The following MTDH variants were observed in gnomAD, a reference collection of about 807,000 sequenced individuals.
MTDH encodes metadherin, also known as protein LYRIC.
A neutral mutation model predicts 72.7 loss-of-function variants in MTDH; 34 were observed. The ratio of observed to expected loss-of-function variants is 0.47; its 90% CI spans 0.36 to 0.62. The LOEUF is 0.62. Ranked by LOEUF, MTDH falls within the 20% of genes least tolerant of loss-of-function variation. The pLI is 0.00. For synonymous variants in MTDH, 266 were observed against 268.9 expected (o/e 0.99, Z 0.10); for missense variants, 677 against 699.4 (o/e 0.97, Z 0.36).
intron 1 of MTDH, among the ~76,000 whole-genome samples, chr8:97,659,343 G>C (rs185775512): frequency 3.3e-5 from 5 of 152,154 alleles, no homozygotes; most frequent in African/African-American, 1.2e-4. Context: ...TGGCAAGACA[G>C]CATAGAAGAA....
intron 9 of MTDH, among the ~76,000 whole-genome samples, chr8:97,715,310 TAG>T (rs1482826294): frequency 1.3e-5 from 2 of 151,418 alleles, no homozygotes; most frequent in Non-Finnish European, 2.9e-5. Flanking sequence ...GCATTTTTAG[TAG>T]AGAGGGGATT....
intron 2 of MTDH, among the ~76,000 whole-genome samples, chr8:97,666,078 C>T (rs1297522121): frequency 1.4e-5 from 2 of 146,194 alleles, no homozygotes; most frequent in Admixed American, 1.4e-4. Context: ...CAGTGAGCCA[C>T]GATTGTGCCA....
intron 2 of MTDH, among the ~76,000 whole-genome samples, chr8:97,679,055 C>T (rs1343418313): frequency 1.3e-5 from 2 of 152,082 alleles, no homozygotes; most frequent in Admixed American, 1.3e-4. Flanking sequence ...GCCTAACAGC[C>T]CAGATTCCAG....
chr8:97,704,594 A>G (rs1814271095), intron 7 of MTDH, among the ~76,000 whole-genome samples: 1 of 151,916 alleles, frequency 6.6e-6, no homozygotes, highest in Admixed American at 6.6e-5. Flanking sequence ...GGGTGACAGA[A>G]TAAGACCCTG....
chr8:97,672,020 T>C (rs1295147834), intron 2 of MTDH, among the ~76,000 whole-genome samples: 1 of 151,860 alleles, frequency 6.6e-6, no homozygotes, highest in African/African-American at 2.4e-5. Flanking sequence ...AAAACAGCTC[T>C]TAGCAAAACA....
chr8:97,672,556 C>T (rs1037453425), intron 2 of MTDH, among the ~76,000 whole-genome samples: 1 of 152,108 alleles, frequency 6.6e-6, no homozygotes, highest in African/African-American at 2.4e-5. Context: ...CATATTTATC[C>T]CTCTAGACTT....
intron 2 of MTDH, among the ~76,000 whole-genome samples, chr8:97,665,509 T>C (rs1435555565): frequency 6.6e-6 from 1 of 152,192 alleles, no homozygotes; most frequent in Non-Finnish European, 1.5e-5. Flanking sequence ...AGATATCTAG[T>C]AATACAAGGC....
chr8:97,647,277 A>G (rs1811603438), intron 1 of MTDH, among the ~76,000 whole-genome samples: 1 of 152,226 alleles, frequency 6.6e-6, no homozygotes, highest in East Asian at 1.9e-4. Flanking sequence ...TTAATGATAC[A>G]ACTGGATGTG....
intron 2 of MTDH, among the ~76,000 whole-genome samples, chr8:97,674,859 G>T (rs966164797): frequency 6.6e-6 from 1 of 151,546 alleles, no homozygotes; most frequent in African/African-American, 2.4e-5. Context: ...CACCTAGGCT[G>T]AACTGCAGTG....
intron 10 of MTDH, among the ~76,000 whole-genome samples, chr8:97,721,658 A>C (rs1437186134): frequency 6.6e-6 from 1 of 152,092 alleles, no homozygotes; most frequent in Non-Finnish European, 1.5e-5. Flanking sequence ...GAAATGATCT[A>C]CTCATCTCTC....
Position 97,695,254 on chromosome 8 carries a change from C to T in MTDH, c.1048+4066C>T, listed in dbSNP as rs542218226. ...TCAGCCTCCTGAGTAGCTGGGATTA[C>T]AGGCACGTGTCACCATGCCCAGCTA... On this transcript the variant is annotated intron_variant, in intron 6 of 11. Transcript: ENST00000336273. 7.2e-5 allele frequency among the ~76,000 whole-genome samples: 11 copies of T among 152,126 alleles called. 1 individual carries two copies. In the South Asian group the frequency reaches 1.7e-3, roughly 23 times the overall value.
chr8:97,675,999 G>C (rs1185212726), intron 2 of MTDH, among the ~76,000 whole-genome samples: 1 of 150,214 alleles, frequency 6.7e-6, no homozygotes, highest in Non-Finnish European at 1.5e-5. Context: ...GAGTGCAGTG[G>C]TACAATCATG....
intron 1 of MTDH, among the ~76,000 whole-genome samples, chr8:97,647,627 G>A (rs1030812682): frequency 6.6e-6 from 1 of 152,164 alleles, no homozygotes; most frequent in African/African-American, 2.4e-5. Context: ...CTGTCAGCCT[G>A]GCAGGAATGG....
At position 97,727,018 on chromosome 8, in the gene MTDH, C is replaced by CA. The variant is rs777240733; in HGVS notation, c.*2351dup. On this transcript the variant is annotated 3_prime_UTR_variant, in exon 12 of 12. Transcript: ENST00000336273. ...ATTTGAACCCAGGAGACGGAGTTTG[C>CA]AAAGCCAAGATCGTGCCACTGCACT... 6.7e-6 allele frequency: 1 copy of CA among 148,794 alleles called. No individual in the cohort carries two copies. The highest frequency in any genetic ancestry group is 1.5e-5 in the Non-Finnish European group (1 of 67,488). 9.2% of individuals were successfully genotyped at this position (148,794 alleles called of 1,614,324 possible).
At chr8:97,705,836 G>A (rs1191785606) in intron 7 of MTDH, among the ~76,000 whole-genome samples, 1 of 152,152 alleles carries the variant, frequency 6.6e-6, no homozygotes, top group Admixed American at 6.5e-5. Flanking sequence ...TTAACTTTGA[G>A]AGCTACTTAT....
intron 10 of MTDH, 21 bp from the exon 11 acceptor site, chr8:97,722,858 G>A (rs1815183667): frequency 1.9e-6 from 3 of 1,578,872 alleles, no homozygotes; most frequent in Non-Finnish European, 2.6e-6. Flanking sequence ...AAAAACCTGA[G>A]ATGATTTTTT....
chr8:97,670,952 G>GTTTT lies in MTDH; in HGVS notation c.483+9800_483+9803dup, dbSNP rs1160758851. On this transcript the variant is annotated intron_variant, in intron 2 of 11. Transcript: ENST00000336273. ...TTTTGTTTTTTTTGTTGTTGTTGTT[G>GTTTT]TTTTTTTTTTTTTTTTTTTTTTTTG... 7.4e-3 allele frequency among the ~76,000 whole-genome samples: 579 copies of GTTTT among 78,020 alleles called. 3 individuals are homozygous for GTTTT. Among genetic ancestry groups the GTTTT allele is most frequent in the African/African-American group, 8.4e-3 (170 of 20,120 alleles). The allele number at this position is 78,020 out of a possible 152,430, so 51.2% of individuals were successfully genotyped here.
chr8:97,685,626 G>A (rs1183122008), intron 2 of MTDH, among the ~76,000 whole-genome samples: 6 of 152,006 alleles, frequency 3.9e-5, no homozygotes, highest in Non-Finnish European at 8.8e-5. Context: ...CAGGCATGGT[G>A]GCAGGTGCCT....
intron 2 of MTDH, among the ~76,000 whole-genome samples, chr8:97,666,001 G>A (rs1418656053): frequency 6.6e-6 from 1 of 152,034 alleles, no homozygotes; most frequent in Non-Finnish European, 1.5e-5. Context: ...GGTGGCAGGC[G>A]CCTGTAGTCC....
Sources: allele counts gnomAD v4.1 joint callset (sites outside exome capture counted in the v4.1 genomes callset), GRCh38; gene constraint gnomAD v4.1.1; transcripts MANE v1.5; gene names NCBI Gene and HGNC (gene_info 2026-07-23, HGNC 2026-07-21).